GREM2: variants seen among roughly 807,000 people sequenced by gnomAD.
The protein encoded by GREM2 is gremlin 2, DAN family BMP antagonist.
In GREM2, 11 loss-of-function variants were observed where a neutral mutation model predicts 14.2. The observed-to-expected ratio is 0.78, with a 90% CI of 0.49 to 1.28. The LOEUF (loss-of-function observed/expected upper bound fraction) is 1.28, where lower values mean the gene tolerates loss of function less well. Ranked by LOEUF, GREM2 falls within the 50% of genes most tolerant of loss-of-function variation. GREM2 has a pLI of 0.00. For synonymous variants in GREM2, 98 were observed against 97.6 expected (o/e 1.00, Z -0.02); for missense variants, 210 against 218.5 (o/e 0.96, Z 0.24).
intron 1 of GREM2, among the ~76,000 whole-genome samples, chr1:240,498,947 G>A (rs1473072731): frequency 1.3e-5 from 2 of 152,196 alleles, no homozygotes; most frequent in African/African-American, 2.4e-5. Flanking sequence ...GCCAAAGTTG[G>A]TTGTGCAAAG....
At chr1:240,577,330 GA>G (rs58650450) in intron 1 of GREM2, among the ~76,000 whole-genome samples, 48,680 of 149,700 alleles carry the variant, frequency 0.33, 9,949 homozygotes, top group African/African-American at 0.58. Context: ...GTCATACAAG[GA>G]AAAAAAAAAT....
chr1:240,517,065 G>C (rs548754189), intron 1 of GREM2, among the ~76,000 whole-genome samples: 1 of 152,222 alleles, frequency 6.6e-6, no homozygotes, highest in East Asian at 1.9e-4. Flanking sequence ...GTTATAGTGA[G>C]GATTAAATAA....
At chr1:240,598,637 A>G (rs1443538897) in intron 1 of GREM2, among the ~76,000 whole-genome samples, 1 of 152,144 alleles carries the variant, frequency 6.6e-6, no homozygotes, top group Non-Finnish European at 1.5e-5. Context: ...ATTAGGAGTT[A>G]GTTTTTTTTA....
chr1:240,511,414 T>C (rs1037503752), intron 1 of GREM2, among the ~76,000 whole-genome samples: 3 of 152,226 alleles, frequency 2.0e-5, no homozygotes, highest in African/African-American at 7.2e-5. Flanking sequence ...AGAATATCCA[T>C]AGGCCATGTT....
intron 1 of GREM2, among the ~76,000 whole-genome samples, chr1:240,521,671 T>A (rs1190778638): frequency 6.6e-6 from 1 of 152,136 alleles, no homozygotes; most frequent in Non-Finnish European, 1.5e-5. Flanking sequence ...TGTTAGAATA[T>A]TTTCTATTCA....
chr1:240,599,859 C>T (rs562926373), intron 1 of GREM2, among the ~76,000 whole-genome samples: 6 of 152,094 alleles, frequency 3.9e-5, no homozygotes, highest in Non-Finnish European at 4.4e-5. Flanking sequence ...ATCCAAGCTC[C>T]GGGATAATTT....
chr1:240,601,093 A>G (rs1679913640), intron 1 of GREM2, among the ~76,000 whole-genome samples: 1 of 152,242 alleles, frequency 6.6e-6, no homozygotes, highest in African/African-American at 2.4e-5. Context: ...TCACAGAAAC[A>G]TTCTGAAGAC....
intron 1 of GREM2, among the ~76,000 whole-genome samples, chr1:240,607,784 T>A (rs1680057769): frequency 6.6e-6 from 1 of 152,248 alleles, no homozygotes; most frequent in Non-Finnish European, 1.5e-5. Flanking sequence ...TCCATCATGA[T>A]TGAAATCATA....
chr1:240,529,537 C>G (rs539448774), intron 1 of GREM2, among the ~76,000 whole-genome samples: 1 of 151,650 alleles, frequency 6.6e-6, no homozygotes. Context: ...ACATATCTGA[C>G]GTATCTGTTA....
chr1:240,579,476 G>A (rs1679438707), intron 1 of GREM2, among the ~76,000 whole-genome samples: 2 of 152,156 alleles, frequency 1.3e-5, no homozygotes, highest in Admixed American at 6.5e-5. Context: ...GTAGAGGTGA[G>A]GATAGAGTGA....
At chr1:240,493,562 A>G (rs1182009569) in intron 1 of GREM2, 86 bp from the exon 2 acceptor site, 9 of 1,401,044 alleles carry the variant, frequency 6.4e-6, no homozygotes, top group Non-Finnish European at 8.5e-6. Flanking sequence ...TATTTTAGAC[A>G]TGGTCTGGCT....
chr1:240,562,787 A>G (rs1679073461), intron 1 of GREM2, among the ~76,000 whole-genome samples: 1 of 149,362 alleles, frequency 6.7e-6, no homozygotes. Flanking sequence ...ATGAGTGTGT[A>G]TGTGTGTATG....
intron 1 of GREM2, among the ~76,000 whole-genome samples, chr1:240,603,850 G>A (rs1679975645): frequency 6.8e-6 from 1 of 147,366 alleles, no homozygotes; most frequent in Non-Finnish European, 1.5e-5. Context: ...ATATATATAT[G>A]CTATTGTGTT....
chr1:240,604,382 A>T (rs919142255), intron 1 of GREM2, among the ~76,000 whole-genome samples: 1 of 151,550 alleles, frequency 6.6e-6, no homozygotes, highest in African/African-American at 2.4e-5. Context: ...TTTATAAGGG[A>T]CTAAATAATG....
intron 1 of GREM2, among the ~76,000 whole-genome samples, chr1:240,544,029 G>A (rs1381731394): frequency 6.6e-6 from 1 of 152,040 alleles, no homozygotes; most frequent in African/African-American, 2.4e-5. Context: ...TGTGCCTCAA[G>A]TACTACCTTG....
At chr1:240,563,180 TG>T (rs1406130379) in intron 1 of GREM2, among the ~76,000 whole-genome samples, 1 of 151,554 alleles carries the variant, frequency 6.6e-6, no homozygotes, top group Non-Finnish European at 1.5e-5. Flanking sequence ...AGTGTGTGTA[TG>T]TGTACGTGTG....
chr1:240,530,427 A>G (rs1476289580), intron 1 of GREM2: 4 of 152,162 alleles, frequency 2.6e-5, no homozygotes, highest in African/African-American at 9.7e-5. Flanking sequence ...CGCACACAAA[A>G]AACCAAGCTA....
At chr1:240,517,521 A>T (rs1677979753) in intron 1 of GREM2, among the ~76,000 whole-genome samples, 1 of 152,238 alleles carries the variant, frequency 6.6e-6, no homozygotes, top group Non-Finnish European at 1.5e-5. Context: ...TGGGAATTAT[A>T]GTTGTGATGC....
At chr1:240,581,066 G>A (rs1290637640) in intron 1 of GREM2, among the ~76,000 whole-genome samples, 7 of 151,978 alleles carry the variant, frequency 4.6e-5, no homozygotes, top group Non-Finnish European at 7.4e-5. Context: ...CCTGGACAAC[G>A]TGGTGAAACC....
Sources: gnomAD v4.1 joint callset for allele counts (sites outside exome capture counted in the v4.1 genomes callset) on GRCh38, gnomAD v4.1.1 for gene constraint, MANE v1.5 for transcripts, NCBI Gene and HGNC (gene_info 2026-07-23, HGNC 2026-07-21) for gene names.